The following ALMS1 variants were observed in gnomAD, a reference collection of about 807,000 sequenced individuals.
The protein encoded by ALMS1 is centrosome-associated protein ALMS1.
A neutral mutation model predicts 352.2 loss-of-function variants in ALMS1; 271 were observed. That is an observed-to-expected ratio of 0.77 (90% confidence interval 0.70 to 0.85). ALMS1 has a LOEUF of 0.85. Ranked by LOEUF, ALMS1 falls within the 40% of genes least tolerant of loss-of-function variation. The pLI is 0.00. For synonymous variants in ALMS1, 1,865 were observed against 1,761.2 expected, an observed-to-expected ratio of 1.06 and a Z score of -1.48; for missense variants, 5,445 against 4,870.7, an observed-to-expected ratio of 1.12 and a Z score of -3.51.
chr2:73,519,637 A>T, intron 10 of ALMS1, 138 bp from the exon 11 acceptor site: 1 of 1,085,126 alleles, frequency 9.2e-7, no homozygotes, highest in Non-Finnish European at 1.3e-6. Context: ...ATTTTACCTT[A>T]ATAACGTTTG....
intron 9 of ALMS1, among the ~76,000 whole-genome samples, chr2:73,464,479 A>G (rs923922240): frequency 6.6e-6 from 1 of 152,236 alleles, no homozygotes; most frequent in Non-Finnish European, 1.5e-5. Flanking sequence ...ACAAACCCAC[A>G]GCCAATATCA....
At position 73,419,093 on chromosome 2, in the gene ALMS1, T is replaced by C. The variant is rs745784643; in HGVS notation, c.451-30T>C. ...TATGTATGGTAACTCAGTTAATGAC[T>C]TAGCATGTTTTCCTTTAACATTTTT... On this transcript the variant is annotated intron_variant, in intron 2 of 22. Coordinates refer to ENST00000613296, the MANE Select transcript of ALMS1 (RefSeq NM_001378454.1). 21 of 1,567,286 alleles carry C rather than the reference T, an allele frequency of 1.3e-5. No individual in the cohort carries two copies. The East Asian group carries it at 3.4e-4, about 25-fold the overall frequency.
chr2:73,604,095 CT>C (rs1166030395), intron 21 of ALMS1: 1 of 152,128 alleles, frequency 6.6e-6, no homozygotes, highest in African/African-American at 2.4e-5. Flanking sequence ...GATGTGTGTA[CT>C]TTTATATGCA....
intron 9 of ALMS1, among the ~76,000 whole-genome samples, chr2:73,459,845 C>G (rs1225776848): frequency 2.0e-5 from 3 of 152,174 alleles, no homozygotes; most frequent in African/African-American, 7.2e-5. Context: ...AAACTAAGAT[C>G]TGTATGCTTG....
intron 12 of ALMS1, among the ~76,000 whole-genome samples, chr2:73,545,616 C>T (rs1036307856): frequency 3.9e-4 from 60 of 152,216 alleles, no homozygotes; most frequent in African/African-American, 1.3e-3. Flanking sequence ...AGTAACAGAA[C>T]GAGAAATACA....
At chr2:73,603,329 G>A (rs768759055) in intron 21 of ALMS1, 25 bp downstream of exon 21, 11 of 1,610,700 alleles carry the variant, frequency 6.8e-6, no homozygotes, top group South Asian at 2.2e-5. Context: ...ACAAGAGTAC[G>A]TATACAAGTG....
In ALMS1 at chr2:73,453,567, G is replaced by C. The variant is rs752336806; in HGVS notation, c.7040G>C (p.Gly2347Ala). 1 of 1,613,754 alleles carries C rather than the reference G, an allele frequency of 6.2e-7. No individual in the cohort carries two copies. Among genetic ancestry groups the C allele is most frequent in the African/African-American group, 1.3e-5 (1 of 74,844 alleles). The stretch of plus-strand genomic sequence containing the variant: ...CAGACGAATTTGAAATGCCGGAGAG[G>C]CATTGAAAATTGGGAGTTTATTAGT... ...GTQTNLKCRR[G>A]IENWEFISST... Residue 2347 changes from glycine (G) to alanine (A), a missense_variant, in exon 8 of 23, where the codon GGC (glycine) becomes GCC (alanine). By Grantham distance (60) the Gly-to-Ala change is moderately conservative. Transcript: ENST00000613296.
rs559854602 is a variant in ALMS1 at position 73,559,257 on chromosome 2, C to A, written c.10384+115C>A. 55 of 1,346,636 alleles carry A rather than the reference C, an allele frequency of 4.1e-5. 1 individual carries two copies. The highest frequency in any genetic ancestry group is 2.9e-4 in the Admixed American group (13 of 44,962). 83.4% of individuals were successfully genotyped at this position (1,346,636 alleles called of 1,614,324 possible). Reference sequence around the variant, plus strand: ...ATAGCCTCATGATTAAACAAAAATTCCTTTTCTTTTTTTAAAACTTTCTTG... The same window carrying A: ...ATAGCCTCATGATTAAACAAAAATTACTTTTCTTTTTTTAAAACTTTCTTG... On this transcript the variant is annotated intron_variant, in intron 15 of 22. Transcript: ENST00000613296.
rs2104106215 is a variant in ALMS1 at position 73,572,893 on chromosome 2, G to A, written c.11016G>A (p.Lys3672=). 6.2e-7 allele frequency: 1 copy of A among 1,614,080 alleles called. No individual in the cohort carries two copies. The highest frequency in any genetic ancestry group is 8.5e-7 in the Non-Finnish European group (1 of 1,179,994). Residue 3672 remains lysine (K), a synonymous_variant, in exon 16 of 23, where the codon AAG becomes AAA. Transcript: ENST00000613296. ...GTGGTAGACAACAGCAGAGAAATAA[G>A]CTTCAGAAAAAGAAGCGGTTTAAAA... The part of the protein sequence containing the change: ...EWSGRQQQRN[K]LQKKKRFKSL...
At chr2:73,489,421 C>T (rs1428623646) in intron 9 of ALMS1, among the ~76,000 whole-genome samples, 1 of 152,290 alleles carries the variant, frequency 6.6e-6, no homozygotes, top group African/African-American at 2.4e-5. Flanking sequence ...TAGAAGAACT[C>T]TCTGAGTGGT....
chr2:73,555,918 G>A (rs979652026), intron 13 of ALMS1, among the ~76,000 whole-genome samples: 17 of 152,068 alleles, frequency 1.1e-4, no homozygotes, highest in East Asian at 1.9e-4. Flanking sequence ...TGTACCCTTC[G>A]TATAAGGTTT....
chr2:73,513,340 T>C (rs562649206), intron 10 of ALMS1, among the ~76,000 whole-genome samples: 17 of 152,270 alleles, frequency 1.1e-4, no homozygotes, highest in Non-Finnish European at 2.1e-4. Flanking sequence ...TGACTCCCCA[T>C]GCTGAACTAC....
At chr2:73,566,295 T>C (rs1674799310) in intron 15 of ALMS1, among the ~76,000 whole-genome samples, 2 of 152,238 alleles carry the variant, frequency 1.3e-5, no homozygotes, top group South Asian at 4.1e-4. Context: ...TTACTGCTCT[T>C]GCACTTTGGG....
intron 1 of ALMS1, among the ~76,000 whole-genome samples, chr2:73,406,302 G>A (rs13428235): frequency 0.34 from 50,982 of 151,962 alleles, 11,535 homozygotes; most frequent in African/African-American, 0.65. Context: ...TAGTGTTGCC[G>A]CTATTGCTCT....
chr2:73,411,449 C>T (rs1287070826), intron 2 of ALMS1, among the ~76,000 whole-genome samples: 2 of 152,024 alleles, frequency 1.3e-5, no homozygotes, highest in African/African-American at 4.8e-5. Context: ...TATAGCAGCC[C>T]TAGGAAACTA....
At chr2:73,394,972 T>C (rs1360625193) in intron 1 of ALMS1, among the ~76,000 whole-genome samples, 1 of 140,150 alleles carries the variant, frequency 7.1e-6, no homozygotes, top group African/African-American at 3.0e-5. Context: ...AAAAATATGG[T>C]ATTTTACATA....
intron 7 of ALMS1, among the ~76,000 whole-genome samples, chr2:73,444,355 G>T (rs908944294): frequency 3.3e-5 from 5 of 150,310 alleles, no homozygotes; most frequent in Non-Finnish European, 7.5e-5. Flanking sequence ...GGGTTATTCT[G>T]TTAGGAAATA....
At chr2:73,469,818 C>A (rs1180175135) in intron 9 of ALMS1, 1 of 151,706 alleles carries the variant, frequency 6.6e-6, no homozygotes, top group Non-Finnish European at 1.5e-5. Flanking sequence ...AAGGAATTCA[C>A]ATGTTTATTT....
In ALMS1 at chr2:73,490,343, G is replaced by A. The variant is rs777438265; in HGVS notation, c.8384G>A (p.Ser2795Asn). The stretch of plus-strand genomic sequence containing the variant: ...ATTTTAGCAGAAGGTAGAAGGCAAA[G>A]CCAAAAATTACCTGTTGATTTTGAG... ...VTILAEGRRQ[S>N]QKLPVDFERS... The change falls in exon 10 of 23, where the codon AGC becomes AAC. Residue 2795 changes from serine to asparagine, a missense_variant. Ser to Asn is a conservative substitution (Grantham distance 46, BLOSUM62 1). Coordinates refer to ENST00000613296, the MANE Select transcript of ALMS1 (RefSeq NM_001378454.1). The A allele has an allele frequency of 3.1e-6, 5 of 1,612,206 alleles. No homozygotes were observed. Among genetic ancestry groups the A allele is most frequent in the Non-Finnish European group, 4.2e-6 (5 of 1,179,266 alleles).
Sources: gnomAD v4.1 joint callset for allele counts (sites outside exome capture counted in the v4.1 genomes callset) on GRCh38, gnomAD v4.1.1 for gene constraint, MANE v1.5 for transcripts, NCBI Gene and HGNC (gene_info 2026-07-23, HGNC 2026-07-21) for gene names.